The following LRRC4C variants were observed in gnomAD, a reference collection of about 807,000 sequenced individuals.
LRRC4C encodes the protein leucine-rich repeat-containing protein 4C.
A neutral mutation model predicts 33.6 loss-of-function variants in LRRC4C; 5 were observed. The observed-to-expected ratio is 0.15, with a 90% CI of 0.08 to 0.31. LRRC4C has a LOEUF of 0.31. LRRC4C is among the 10% of genes least tolerant of loss of function. LRRC4C has a pLI of 1.00. For synonymous variants in LRRC4C, 329 were observed against 302.0 expected, an observed-to-expected ratio of 1.09 and a Z score of -0.93; for missense variants, 560 against 796.7, an observed-to-expected ratio of 0.70 and a Z score of 3.58.
intron 1 of LRRC4C, among the ~76,000 whole-genome samples, chr11:41,105,919 T>G (rs778922275): frequency 2.3e-4 from 35 of 152,140 alleles, no homozygotes; most frequent in Non-Finnish European, 4.0e-4. Context: ...CCAAGATATT[T>G]CTCTCTCTTT....
At chr11:40,812,944 GA>G (rs947734331) in intron 2 of LRRC4C, among the ~76,000 whole-genome samples, 2 of 151,766 alleles carry the variant, frequency 1.3e-5, no homozygotes, top group African/African-American at 4.8e-5. Context: ...AGAGAAAGTG[GA>G]AAAAAAATAC....
intron 2 of LRRC4C, among the ~76,000 whole-genome samples, chr11:40,881,986 T>A (rs538536759): frequency 1.3e-5 from 2 of 151,876 alleles, no homozygotes; most frequent in Admixed American, 6.6e-5. Context: ...AGTCAGCAGG[T>A]TTTTTTTCTT....
chr11:40,851,189 A>T (rs949583467), intron 2 of LRRC4C, among the ~76,000 whole-genome samples: 1 of 151,706 alleles, frequency 6.6e-6, no homozygotes, highest in Non-Finnish European at 1.5e-5. Context: ...GGAAAAAAAA[A>T]ACCCTCCTGC....
chr11:41,082,281 T>C (rs142827335), intron 1 of LRRC4C, among the ~76,000 whole-genome samples: 13 of 152,324 alleles, frequency 8.5e-5, no homozygotes, highest in African/African-American at 2.9e-4. Context: ...ACTGTTCTCC[T>C]GCTGGACTTG....
intron 1 of LRRC4C, among the ~76,000 whole-genome samples, chr11:41,252,802 CATGGCAGCAGGCA>C (rs1773180603): frequency 6.6e-6 from 1 of 152,140 alleles, no homozygotes; most frequent in South Asian, 2.1e-4. Flanking sequence ...TCACATCTTA[CATGGCAGCAGGCA>C]AGAGAGCTTG....
chr11:40,467,040 C>G (rs929328021), intron 3 of LRRC4C, among the ~76,000 whole-genome samples: 4 of 152,072 alleles, frequency 2.6e-5, no homozygotes, highest in African/African-American at 9.7e-5. Flanking sequence ...AAAGACGCAG[C>G]CTCAGTGTCA....
chr11:41,112,204 C>T (rs1174181282), intron 1 of LRRC4C, among the ~76,000 whole-genome samples: 1 of 152,044 alleles, frequency 6.6e-6, no homozygotes, highest in East Asian at 1.9e-4. Flanking sequence ...GATGTCACCC[C>T]TACATCCAAT....
At chr11:40,377,965 C>A (rs1338797626) in intron 3 of LRRC4C, among the ~76,000 whole-genome samples, 1 of 152,004 alleles carries the variant, frequency 6.6e-6, no homozygotes, top group Admixed American at 6.6e-5. Flanking sequence ...GTCAATACTA[C>A]TGTGGTTGAG....
At chr11:40,742,519 A>G (rs998432396) in intron 2 of LRRC4C, among the ~76,000 whole-genome samples, 1 of 152,022 alleles carries the variant, frequency 6.6e-6, no homozygotes, top group Non-Finnish European at 1.5e-5. Context: ...CATAAAAAAG[A>G]GAAAATTAAT....
intron 5 of LRRC4C, among the ~76,000 whole-genome samples, chr11:40,212,521 G>T (rs73461961): frequency 0.015 from 2,215 of 151,146 alleles, 53 homozygotes; most frequent in African/African-American, 0.05. Context: ...AAGCAACTAG[G>T]AATTATAAAT....
At chr11:40,410,802 G>T (rs1041460168) in intron 3 of LRRC4C, among the ~76,000 whole-genome samples, 3 of 152,120 alleles carry the variant, frequency 2.0e-5, no homozygotes, top group South Asian at 2.1e-4. Context: ...GGAGCAGAAA[G>T]AAATGTCATG....
At position 40,672,697 on chromosome 11, in the gene LRRC4C, G is replaced by A. The variant is rs553303522; in HGVS notation, c.-406-24419C>T. 1.1e-4 allele frequency among the ~76,000 whole-genome samples: 16 copies of A among 152,102 alleles called. 1 individual carries two copies. The highest frequency in any genetic ancestry group is 2.9e-4 in the African/African-American group (12 of 41,494). ...GCCAGTAATCTCTCATCTTATTCTC[G>A]GAGTTTTTGTAGTTGTGGAAACAAG... On this transcript the variant is annotated intron_variant, in intron 2 of 6. Coordinates refer to ENST00000528697, the MANE Select transcript of LRRC4C (RefSeq NM_001258419.2).
At chr11:40,775,209 G>C (rs950098257) in intron 2 of LRRC4C, among the ~76,000 whole-genome samples, 3 of 151,958 alleles carry the variant, frequency 2.0e-5, no homozygotes, top group African/African-American at 7.2e-5. Flanking sequence ...AGGAGATCGA[G>C]ACCATCCTGG....
intron 5 of LRRC4C, among the ~76,000 whole-genome samples, chr11:40,234,445 A>T (rs1389017154): frequency 6.6e-6 from 1 of 152,144 alleles, no homozygotes; most frequent in Non-Finnish European, 1.5e-5. Context: ...AGGATGTTTT[A>T]CACAAGCTCT....
chr11:41,349,067 T>TG (rs1259813245), intron 1 of LRRC4C, among the ~76,000 whole-genome samples: 1 of 152,152 alleles, frequency 6.6e-6, no homozygotes. Flanking sequence ...TCCTGTAGGA[T>TG]GGGGTCAGTC....
intron 4 of LRRC4C, among the ~76,000 whole-genome samples, chr11:40,259,943 T>G (rs1867557543): frequency 6.7e-6 from 1 of 150,364 alleles, no homozygotes; most frequent in African/African-American, 2.5e-5. Context: ...GGAACACTTT[T>G]ACACTGTTGG....
chr11:41,039,606 C>T (rs371471617), intron 1 of LRRC4C, among the ~76,000 whole-genome samples: 2 of 152,112 alleles, frequency 1.3e-5, no homozygotes, highest in Admixed American at 6.5e-5. Flanking sequence ...TGGAGTTAGT[C>T]GTCACTGTTT....
intron 1 of LRRC4C, among the ~76,000 whole-genome samples, chr11:41,196,501 T>A (rs1946184167): frequency 6.6e-6 from 1 of 152,068 alleles, no homozygotes; most frequent in African/African-American, 2.4e-5. Flanking sequence ...TAGGAGAGAT[T>A]GAAAGAATGA....
intron 1 of LRRC4C, among the ~76,000 whole-genome samples, chr11:41,327,972 G>A (rs956528334): frequency 6.6e-6 from 1 of 152,034 alleles, no homozygotes; most frequent in African/African-American, 2.4e-5. Context: ...TATGAAAATG[G>A]ACTAATACAA....
Sources: allele counts gnomAD v4.1 joint callset (sites outside exome capture counted in the v4.1 genomes callset), GRCh38; gene constraint gnomAD v4.1.1; transcripts MANE v1.5; gene names NCBI Gene and HGNC (gene_info 2026-07-23, HGNC 2026-07-21).